SYT1: variants seen among roughly 807,000 people sequenced by gnomAD.
SYT1 encodes the protein synaptotagmin 1.
A neutral mutation model predicts 44.8 loss-of-function variants in SYT1; 8 were observed. That is an observed-to-expected ratio of 0.18 (90% confidence interval 0.10 to 0.32). The LOEUF (loss-of-function observed/expected upper bound fraction) is 0.32. Among genes scored for constraint, SYT1 ranks in the 10% least tolerant of loss-of-function variants. The probability of loss-of-function intolerance (pLI) is 1.00; values close to 1 mark genes in which losing one functional copy is unlikely to be tolerated. For missense variants in SYT1, 286 were observed against 509.3 expected (o/e 0.56, Z 4.22); for synonymous variants, 154 against 188.8 (o/e 0.82, Z 1.51).
intron 1 of SYT1, among the ~76,000 whole-genome samples, chr12:78,931,378 AAGGAAGGAAGGAAGGAAGG>A (rs1877726573): frequency 5.1e-5 from 5 of 98,726 alleles, no homozygotes; most frequent in East Asian, 9.8e-4. Flanking sequence ...GGAAGGAAGG[AAGGAAGGAAGGAAGGAAGG>A]GAGGAGAGAG....
intron 2 of SYT1, among the ~76,000 whole-genome samples, chr12:79,043,701 G>A (rs1013441364): frequency 2.8e-4 from 43 of 152,198 alleles, no homozygotes; most frequent in African/African-American, 9.2e-4. Flanking sequence ...CTGGTTAGTC[G>A]ATGCAGTTTC....
chr12:79,362,624 G>A (rs541072429), intron 9 of SYT1, among the ~76,000 whole-genome samples: 17 of 152,234 alleles, frequency 1.1e-4, no homozygotes, highest in Middle Eastern at 6.8e-3. Flanking sequence ...TGAAGGGGCC[G>A]TGTGTGAGGA....
At chr12:79,263,975 T>A (rs1428162071) in intron 4 of SYT1, among the ~76,000 whole-genome samples, 2 of 152,134 alleles carry the variant, frequency 1.3e-5, no homozygotes, top group African/African-American at 4.8e-5. Flanking sequence ...CTAAGTAAGT[T>A]TAAATTCTAT....
intron 9 of SYT1, among the ~76,000 whole-genome samples, chr12:79,354,583 C>T (rs1883038747): frequency 6.6e-6 from 1 of 152,166 alleles, no homozygotes; most frequent in Non-Finnish European, 1.5e-5. Flanking sequence ...CCAAATTCTC[C>T]TGGTACCTGA....
Position 78,990,629 on chromosome 12 carries a change from C to G in SYT1, c.-84+12698C>G, listed in dbSNP as rs1314435172. Among the ~76,000 whole-genome samples the G allele has an allele frequency of 2.0e-5, 3 of 152,230 alleles. No homozygotes were observed. The East Asian group carries it at 5.8e-4, about 29-fold the overall frequency. ...TTAAATTTAATTATCTGGTACTTTC[C>G]TACAACACTGTGTCTCCTATTGACA... On this transcript the variant is annotated intron_variant, in intron 2 of 10. Transcript: ENST00000261205.
chr12:79,426,606 T>C (rs777254104), intron 9 of SYT1, among the ~76,000 whole-genome samples: 33 of 152,290 alleles, frequency 2.2e-4, no homozygotes, highest in Non-Finnish European at 2.9e-4. Flanking sequence ...TATTGTATGA[T>C]AGCGATAATC....
chr12:78,894,572 A>T (rs1875249808), intron 1 of SYT1, among the ~76,000 whole-genome samples: 1 of 151,542 alleles, frequency 6.6e-6, no homozygotes, highest in Non-Finnish European at 1.5e-5. Flanking sequence ...CGATTAAATG[A>T]AACAATGCAT....
At chr12:79,096,684 G>A (rs994786240) in intron 3 of SYT1, among the ~76,000 whole-genome samples, 3 of 152,004 alleles carry the variant, frequency 2.0e-5, no homozygotes, top group Non-Finnish European at 4.4e-5. Flanking sequence ...TTGGAGGAAA[G>A]AAACTAGGTG....
intron 9 of SYT1, among the ~76,000 whole-genome samples, chr12:79,358,790 C>T (rs1883208930): frequency 6.6e-6 from 1 of 152,112 alleles, no homozygotes; most frequent in African/African-American, 2.4e-5. Context: ...ATGAGGTCGT[C>T]ACAGTAGGGA....
At chr12:79,212,527 T>C (rs905433677) in intron 3 of SYT1, among the ~76,000 whole-genome samples, 5 of 151,820 alleles carry the variant, frequency 3.3e-5, no homozygotes, top group Non-Finnish European at 5.9e-5. Context: ...TTGCCTGTGC[T>C]GGACTTTCTT....
chr12:79,241,374 G>T (rs2138653407), intron 4 of SYT1, among the ~76,000 whole-genome samples: 1 of 152,168 alleles, frequency 6.6e-6, no homozygotes. Context: ...GGATTCACGT[G>T]ATTCTCCTGC....
chr12:79,209,935 CT>C (rs930657738), intron 3 of SYT1, among the ~76,000 whole-genome samples: 20 of 152,208 alleles, frequency 1.3e-4, no homozygotes, highest in Middle Eastern at 6.8e-3. Context: ...CATTAGAAGA[CT>C]TTTTTTAGTA....
At chr12:79,290,516 T>G (rs1879529385) in intron 5 of SYT1, among the ~76,000 whole-genome samples, 1 of 152,176 alleles carries the variant, frequency 6.6e-6, no homozygotes, top group African/African-American at 2.4e-5. Flanking sequence ...GATGCCTATC[T>G]ACAGCCTGGT....
intron 3 of SYT1, among the ~76,000 whole-genome samples, chr12:79,179,177 TATATAGATATAG>T (rs1159797142): frequency 4.1e-5 from 3 of 73,092 alleles, no homozygotes; most frequent in East Asian, 6.2e-4. Flanking sequence ...TAGATATAGA[TATATAGATATAG>T]ATATAGATAT....
chr12:79,153,089 C>T (rs1437661451), intron 3 of SYT1, among the ~76,000 whole-genome samples: 2 of 151,900 alleles, frequency 1.3e-5, no homozygotes, highest in African/African-American at 4.8e-5. Context: ...GACCAAAAAA[C>T]AACCCCAAAA....
At chr12:79,351,565 C>T (rs1187879306) in intron 8 of SYT1, among the ~76,000 whole-genome samples, 3 of 150,728 alleles carry the variant, frequency 2.0e-5, no homozygotes, top group Non-Finnish European at 3.0e-5. Flanking sequence ...CTCCTCCTAA[C>T]GAGCATTTTG....
At chr12:79,397,671 G>A (rs1253908990) in intron 9 of SYT1, among the ~76,000 whole-genome samples, 1 of 152,194 alleles carries the variant, frequency 6.6e-6, no homozygotes, top group Non-Finnish European at 1.5e-5. Flanking sequence ...TGGGTACTGG[G>A]AAGATTCTAA....
At chr12:79,125,021 GTTTGGTTTGGTTTGGTTTGGTTTGA>G (rs1868358481) in intron 3 of SYT1, among the ~76,000 whole-genome samples, 1 of 151,886 alleles carries the variant, frequency 6.6e-6, no homozygotes, top group Non-Finnish European at 1.5e-5. Context: ...TGTGGGTTTT[GTTTGGTTTGGTTTGGTTTGGTTTGA>G]TTTGGTTTGG....
At chr12:79,300,264 CA>C (rs1880072577) in intron 8 of SYT1, among the ~76,000 whole-genome samples, 1 of 152,138 alleles carries the variant, frequency 6.6e-6, no homozygotes, top group Non-Finnish European at 1.5e-5. Flanking sequence ...TTTTTCTCTG[CA>C]AACATTTCAG....
Sources: gnomAD v4.1 joint callset for allele counts (sites outside exome capture counted in the v4.1 genomes callset) on GRCh38, gnomAD v4.1.1 for gene constraint, MANE v1.5 for transcripts, NCBI Gene and HGNC (gene_info 2026-07-23, HGNC 2026-07-21) for gene names.